UVRAG: variants seen among roughly 807,000 people sequenced by gnomAD.
UVRAG encodes UV radiation resistance-associated gene protein.
A neutral mutation model predicts 78.0 loss-of-function variants in UVRAG; 19 were observed. The ratio of observed to expected loss-of-function variants is 0.24; its 90% CI spans 0.17 to 0.36. The LOEUF is 0.36. UVRAG is among the 10% of genes least tolerant of loss of function. The pLI, the probability that UVRAG is intolerant of heterozygous loss-of-function variation, is 1.00. For synonymous variants in UVRAG, 323 were observed against 324.6 expected (o/e 1.00, Z 0.05); for missense variants, 740 against 853.8 (o/e 0.87, Z 1.66).
intron 13 of UVRAG, among the ~76,000 whole-genome samples, chr11:76,086,292 A>AT (rs1951588017): frequency 6.6e-6 from 1 of 152,192 alleles, no homozygotes; most frequent in African/African-American, 2.4e-5. Context: ...TCCTGCCCTA[A>AT]AGTGGGTATT....
chr11:76,121,092 C>T (rs1274942031), intron 14 of UVRAG, among the ~76,000 whole-genome samples: 1 of 152,192 alleles, frequency 6.6e-6, no homozygotes, highest in Admixed American at 6.5e-5. Flanking sequence ...AGTTATGTGA[C>T]AGCTTGTTTT....
intron 3 of UVRAG, among the ~76,000 whole-genome samples, chr11:75,874,284 AACAC>A (rs906771646): frequency 3.9e-5 from 6 of 152,116 alleles, no homozygotes; most frequent in South Asian, 2.1e-4. Flanking sequence ...AAAAAACAAC[AACAC>A]ACACACACAA....
chr11:75,867,943 A>G (rs1946570414), intron 3 of UVRAG, among the ~76,000 whole-genome samples: 1 of 152,214 alleles, frequency 6.6e-6, no homozygotes, highest in African/African-American at 2.4e-5. Flanking sequence ...GTGTGCGTGT[A>G]GATACAATGA....
In UVRAG at chr11:75,908,903, A is replaced by G. The variant is rs375242723; in HGVS notation, c.508-3051A>G. On this transcript the variant is annotated intron_variant, in intron 5 of 14. Coordinates refer to ENST00000356136, the MANE Select transcript of UVRAG (RefSeq NM_003369.4). Reference sequence around the variant, plus strand: ...TGGTAGTTTATATCATTTTGTCTACATTATCTGATTTGCTGGAATACAATT... The same window carrying G: ...TGGTAGTTTATATCATTTTGTCTACGTTATCTGATTTGCTGGAATACAATT... Among the ~76,000 whole-genome samples the G allele has an allele frequency of 3.3e-5, 5 of 151,976 alleles. No individual in the cohort carries two copies. In the East Asian group the frequency reaches 7.7e-4, roughly 23 times the overall value.
intron 7 of UVRAG, among the ~76,000 whole-genome samples, chr11:75,972,089 A>G (rs1276160871): frequency 7.0e-6 from 1 of 143,720 alleles, no homozygotes; most frequent in East Asian, 2.0e-4. Flanking sequence ...CCCCGTCTGT[A>G]TTTTTTTTTT....
At chr11:76,042,880 A>G (rs949487522) in intron 12 of UVRAG, among the ~76,000 whole-genome samples, 2 of 152,216 alleles carry the variant, frequency 1.3e-5, no homozygotes, top group African/African-American at 2.4e-5. Context: ...TTGTGTACCA[A>G]CCATCCTGTG....
At chr11:76,110,862 T>C (rs1952056579) in intron 13 of UVRAG, among the ~76,000 whole-genome samples, 1 of 152,128 alleles carries the variant, frequency 6.6e-6, no homozygotes, top group African/African-American at 2.4e-5. Flanking sequence ...TATGAGACTT[T>C]TATTTGTTTG....
intron 12 of UVRAG, among the ~76,000 whole-genome samples, chr11:76,054,347 T>C (rs2134357311): frequency 6.6e-6 from 1 of 152,320 alleles, no homozygotes; most frequent in East Asian, 1.9e-4. Flanking sequence ...TTCAAACCGC[T>C]GTCTTCTCTT....
chr11:75,909,095 C>A (rs1947680490), intron 5 of UVRAG, among the ~76,000 whole-genome samples: 1 of 152,006 alleles, frequency 6.6e-6, no homozygotes, highest in Non-Finnish European at 1.5e-5. Flanking sequence ...TGCCTGTAAT[C>A]CCAGCACTTT....
At chr11:75,974,138 C>G (rs1949182068) in intron 7 of UVRAG, among the ~76,000 whole-genome samples, 2 of 152,160 alleles carry the variant, frequency 1.3e-5, no homozygotes. Context: ...ACCTGTCTTC[C>G]ACAATGGTTG....
chr11:75,919,942 T>G lies in UVRAG; in HGVS notation c.593+7903T>G, dbSNP rs187889012. 3.5e-3 allele frequency among the ~76,000 whole-genome samples: 465 copies of G among 132,832 alleles called. 1 individual carries two copies. The highest frequency in any genetic ancestry group is 3.1e-3 in the Non-Finnish European group (199 of 64,132). 87.1% of individuals were successfully genotyped at this position (132,832 alleles called of 152,430 possible). ...AAAAGTGTAATTATGAGAGCCTTCATAAGAAAGCAGGCACATAGAAGATTT... is the reference window on the plus strand; with the variant it reads ...AAAAGTGTAATTATGAGAGCCTTCAGAAGAAAGCAGGCACATAGAAGATTT... On this transcript the variant is annotated intron_variant, in intron 6 of 14. Transcript: ENST00000356136.
Position 75,888,744 on chromosome 11 carries a change from A to T in UVRAG, c.433-85A>T. On this transcript the variant is annotated intron_variant, in intron 4 of 14. Transcript: ENST00000356136. ...AGCCGGTTTCTCAGTATTGAAGTAG[A>T]TCCTGTTGTAACTGTCATTCTCTGG... 2.6e-6 allele frequency: 3 copies of T among 1,158,200 alleles called. No homozygotes were observed. In the South Asian group the frequency reaches 4.4e-5, roughly 17 times the overall value. 71.7% of individuals were successfully genotyped at this position (1,158,200 alleles called of 1,614,324 possible).
chr11:75,974,636 G>T (rs1250385694), intron 7 of UVRAG, among the ~76,000 whole-genome samples: 1 of 152,170 alleles, frequency 6.6e-6, no homozygotes, highest in African/African-American at 2.4e-5. Flanking sequence ...AAAGTGCTGG[G>T]ATTACAGGCG....
At chr11:75,911,766 T>C in intron 5 of UVRAG, 188 bp from the exon 6 acceptor site, 1 of 446,006 alleles carries the variant, frequency 2.2e-6, no homozygotes. Context: ...AAATTTATTT[T>C]ACATTCCCTC....
At chr11:75,936,307 A>AT (rs924010157) in intron 6 of UVRAG, among the ~76,000 whole-genome samples, 2 of 152,326 alleles carry the variant, frequency 1.3e-5, no homozygotes, top group Non-Finnish European at 2.9e-5. Flanking sequence ...TAAATGTCTC[A>AT]TTTTTTAATC....
At chr11:75,906,630 G>C (rs978080320) in intron 5 of UVRAG, among the ~76,000 whole-genome samples, 3 of 152,116 alleles carry the variant, frequency 2.0e-5, no homozygotes, top group Non-Finnish European at 2.9e-5. Flanking sequence ...TTACAGGCGC[G>C]AGCCACCGTG....
intron 12 of UVRAG, among the ~76,000 whole-genome samples, chr11:76,040,090 C>A (rs1950615438): frequency 6.6e-6 from 1 of 152,064 alleles, no homozygotes; most frequent in Admixed American, 6.6e-5. Context: ...TGAAATAATT[C>A]ATTGCAGTAT....
At chr11:75,925,403 A>T (rs543758719) in intron 6 of UVRAG, among the ~76,000 whole-genome samples, 3 of 152,334 alleles carry the variant, frequency 2.0e-5, no homozygotes, top group East Asian at 3.9e-4. Flanking sequence ...CTAAAAGTGG[A>T]TGTTTCACCT....
intron 5 of UVRAG, chr11:75,892,438 G>A: frequency 1.0e-6 from 1 of 959,460 alleles, no homozygotes; most frequent in Non-Finnish European, 1.2e-6. Flanking sequence ...TATTTAGTGA[G>A]CACTTCTATG....
Sources: allele counts gnomAD v4.1 joint callset (sites outside exome capture counted in the v4.1 genomes callset), GRCh38; gene constraint gnomAD v4.1.1; transcripts MANE v1.5; gene names NCBI Gene and HGNC (gene_info 2026-07-23, HGNC 2026-07-21).